The following GRIK2 variants were observed in gnomAD, a reference collection of about 807,000 sequenced individuals.
GRIK2 encodes the protein glutamate receptor ionotropic, kainate 2.
Under a neutral mutation model 100.3 loss-of-function variants are expected in GRIK2, and 32 were observed. That is an observed-to-expected ratio of 0.32 (90% CI 0.24 to 0.43). The LOEUF is 0.43. Ranked by LOEUF, GRIK2 falls within the 20% of genes least tolerant of loss-of-function variation. The probability of loss-of-function intolerance (pLI) is 1.00; values close to 1 mark genes in which losing one functional copy is unlikely to be tolerated. For synonymous variants in GRIK2, 417 were observed against 389.4 expected, an observed-to-expected ratio of 1.07 and a Z score of -0.83; for missense variants, 843 against 1,114.9, an observed-to-expected ratio of 0.76 and a Z score of 3.47.
chr6:102,059,050 A>G (rs1771612391), intron 16 of GRIK2, among the ~76,000 whole-genome samples: 1 of 151,308 alleles, frequency 6.6e-6, no homozygotes, highest in Non-Finnish European at 1.5e-5. Flanking sequence ...ACTAGTGAAA[A>G]CAAATAGCTC....
At chr6:101,519,311 G>A (rs1774752557) in intron 2 of GRIK2, among the ~76,000 whole-genome samples, 1 of 123,236 alleles carries the variant, frequency 8.1e-6, no homozygotes, top group African/African-American at 5.6e-5. Flanking sequence ...GTGTGTGTGT[G>A]TGTGTGTGTG....
chr6:101,684,833 C>T (rs1477302700), intron 6 of GRIK2, among the ~76,000 whole-genome samples: 1 of 151,444 alleles, frequency 6.6e-6, no homozygotes, highest in African/African-American at 2.4e-5. Flanking sequence ...CTTAGCAAGG[C>T]CAAATTGTTG....
At chr6:101,957,341 G>T (rs9404162) in intron 14 of GRIK2, among the ~76,000 whole-genome samples, 71,497 of 151,546 alleles carry the variant, frequency 0.47, 16,973 homozygotes, top group South Asian at 0.53. Context: ...TAATGGGCTT[G>T]TTTTTGTCTT....
At chr6:101,850,415 A>G (rs1784067285) in intron 10 of GRIK2, among the ~76,000 whole-genome samples, 1 of 151,992 alleles carries the variant, frequency 6.6e-6, no homozygotes, top group African/African-American at 2.4e-5. Flanking sequence ...TACATATCAC[A>G]TTAAAATTAA....
chr6:101,696,806 C>G (rs925073393), intron 7 of GRIK2, among the ~76,000 whole-genome samples: 1 of 151,754 alleles, frequency 6.6e-6, no homozygotes, highest in Admixed American at 6.6e-5. Context: ...TAAAAGAATC[C>G]TTAAGCATCT....
chr6:101,918,682 A>T (rs1197985095), intron 12 of GRIK2, among the ~76,000 whole-genome samples: 1 of 151,738 alleles, frequency 6.6e-6, no homozygotes, highest in African/African-American at 2.4e-5. Flanking sequence ...CACCACATAC[A>T]AAGTATGTAT....
At chr6:101,611,984 TAGAA>T (rs1184088530) in intron 2 of GRIK2, among the ~76,000 whole-genome samples, 2 of 151,798 alleles carry the variant, frequency 1.3e-5, no homozygotes, top group African/African-American at 2.4e-5. Context: ...ATTTACCACT[TAGAA>T]AGAGGAAAGT....
At chr6:101,463,443 T>G (rs1198100013) in intron 2 of GRIK2, among the ~76,000 whole-genome samples, 1 of 152,164 alleles carries the variant, frequency 6.6e-6, no homozygotes, top group Non-Finnish European at 1.5e-5. Flanking sequence ...ATGGTTGGAA[T>G]GAAAGGAACT....
chr6:101,520,999 A>G (rs1016808452), intron 2 of GRIK2, among the ~76,000 whole-genome samples: 2 of 152,122 alleles, frequency 1.3e-5, no homozygotes, highest in Non-Finnish European at 1.5e-5. Flanking sequence ...TTTAAAAGAA[A>G]ATTAGTTGGT....
chr6:101,552,697 G>C (rs1221832970), intron 2 of GRIK2, among the ~76,000 whole-genome samples: 2 of 152,182 alleles, frequency 1.3e-5, no homozygotes, highest in Non-Finnish European at 2.9e-5. Context: ...TGCCCAGACA[G>C]ATGTGTCTAA....
intron 2 of GRIK2, among the ~76,000 whole-genome samples, chr6:101,445,359 T>A (rs1770319084): frequency 6.9e-6 from 1 of 145,600 alleles, no homozygotes; most frequent in Non-Finnish European, 1.5e-5. Flanking sequence ...ATATTCCATA[T>A]CCGAGAACTA....
chr6:101,799,372 G>A (rs1278934030), intron 7 of GRIK2, among the ~76,000 whole-genome samples: 1 of 151,660 alleles, frequency 6.6e-6, no homozygotes, highest in Non-Finnish European at 1.5e-5. Context: ...CTTCATACAT[G>A]TCCTACTTCA....
At chr6:101,960,053 G>GT (rs781532291) in intron 14 of GRIK2, among the ~76,000 whole-genome samples, 11,731 of 130,930 alleles carry the variant, frequency 0.09, 1,062 homozygotes, top group African/African-American at 0.21. Flanking sequence ...TTAGTGTTTT[G>GT]TTTTTTTTTT....
At chr6:101,450,177 A>G (rs561652999) in intron 2 of GRIK2, among the ~76,000 whole-genome samples, 1 of 151,742 alleles carries the variant, frequency 6.6e-6, no homozygotes. Flanking sequence ...AATCTAGGAA[A>G]TCATTCACAA....
intron 14 of GRIK2, among the ~76,000 whole-genome samples, chr6:102,012,268 C>G (rs892669290): frequency 2.0e-5 from 3 of 152,150 alleles, no homozygotes; most frequent in Non-Finnish European, 4.4e-5. Flanking sequence ...AGTGTTGACA[C>G]TGGGTAGTGT....
chr6:101,568,189 C>G (rs1246366247), intron 2 of GRIK2, among the ~76,000 whole-genome samples: 1 of 151,796 alleles, frequency 6.6e-6, no homozygotes, highest in East Asian at 1.9e-4. Context: ...TATTTCACAT[C>G]ATTTTTTCAT....
At chr6:101,949,655 T>C (rs560788691) in intron 14 of GRIK2, among the ~76,000 whole-genome samples, 1 of 152,264 alleles carries the variant, frequency 6.6e-6, no homozygotes, top group African/African-American at 2.4e-5. Flanking sequence ...CTTTCTATCT[T>C]CATCCATGTC....
chr6:101,773,364 C>T (rs1487649853), intron 7 of GRIK2, among the ~76,000 whole-genome samples: 1 of 151,604 alleles, frequency 6.6e-6, no homozygotes, highest in Non-Finnish European at 1.5e-5. Flanking sequence ...CCTATAGTCT[C>T]AGCTACTCGG....
intron 4 of GRIK2, among the ~76,000 whole-genome samples, chr6:101,658,830 A>G (rs1163925906): frequency 6.6e-6 from 1 of 152,136 alleles, no homozygotes; most frequent in African/African-American, 2.4e-5. Context: ...TCTTCTTTTG[A>G]GAAGTGTCTG....
Sources: allele counts gnomAD v4.1 joint callset (sites outside exome capture counted in the v4.1 genomes callset), GRCh38; gene constraint gnomAD v4.1.1; transcripts MANE v1.5; gene names NCBI Gene and HGNC (gene_info 2026-07-23, HGNC 2026-07-21).